ARL15: variants seen among roughly 807,000 people sequenced by gnomAD.
ARL15 encodes ARF like GTPase 15.
Under a neutral mutation model 25.2 loss-of-function variants are expected in ARL15, and 19 were observed. That is an observed-to-expected ratio of 0.75 (90% confidence interval 0.53 to 1.10). The LOEUF (loss-of-function observed/expected upper bound fraction) is 1.10. Ranked by LOEUF, ARL15 falls within the 50% of genes least tolerant of loss-of-function variation. The pLI is 0.00. For missense variants in ARL15, 220 were observed against 246.0 expected (o/e 0.89, Z 0.71); for synonymous variants, 94 against 86.8 (o/e 1.08, Z -0.46).
chr5:53,908,087 T>G (rs1051616917), intron 4 of ARL15, among the ~76,000 whole-genome samples: 1 of 152,338 alleles, frequency 6.6e-6, no homozygotes, highest in African/African-American at 2.4e-5. Flanking sequence ...TCATTTTCCT[T>G]GCTACCATAT....
chr5:53,957,985 G>A (rs1413026478), intron 4 of ARL15, among the ~76,000 whole-genome samples: 1 of 152,050 alleles, frequency 6.6e-6, no homozygotes, highest in African/African-American at 2.4e-5. Flanking sequence ...CAAGGCGGGT[G>A]GATCACCTGA....
intron 4 of ARL15, among the ~76,000 whole-genome samples, chr5:53,988,516 T>C (rs1748375446): frequency 6.6e-6 from 1 of 152,052 alleles, no homozygotes; most frequent in South Asian, 2.1e-4. Flanking sequence ...TACACATCAT[T>C]AGGAACAGGA....
rs1396170668 is a variant in ARL15, at chr5:54,310,072, A to T, written c.48+360T>A. 2.0e-5 allele frequency among the ~76,000 whole-genome samples: 3 copies of T among 152,038 alleles called. No homozygotes were observed. In the East Asian group the frequency reaches 5.8e-4, roughly 30 times the overall value. On this transcript the variant is annotated intron_variant, in intron 1 of 4. Transcript: ENST00000504924. ...AGTTCTGCTCCAGGGAGAGAGGAAA[A>T]CTCCTGCTCCCCCGGAAAGAAAGTC...
chr5:54,049,955 C>T (rs79965574), intron 4 of ARL15, among the ~76,000 whole-genome samples: 7,779 of 152,162 alleles, frequency 0.051, 671 homozygotes, highest in African/African-American at 0.18. Context: ...GTTTAAGCCA[C>T]CATTTGTTGG....
chr5:54,101,950 T>G (rs1486077095), intron 4 of ARL15, among the ~76,000 whole-genome samples: 6 of 152,114 alleles, frequency 3.9e-5, no homozygotes, highest in Admixed American at 3.9e-4. Flanking sequence ...TATTAAACAT[T>G]TAAATAATTC....
At chr5:53,961,149 G>C (rs1317073848) in intron 4 of ARL15, among the ~76,000 whole-genome samples, 1 of 152,026 alleles carries the variant, frequency 6.6e-6, no homozygotes, top group Non-Finnish European at 1.5e-5. Flanking sequence ...TTAAATCGCT[G>C]TTTAGATTAG....
intron 4 of ARL15, among the ~76,000 whole-genome samples, chr5:54,015,379 G>A (rs1359603255): frequency 6.6e-6 from 1 of 151,726 alleles, no homozygotes; most frequent in African/African-American, 2.4e-5. Flanking sequence ...TCCAAAATGT[G>A]AAACACTGCT....
intron 4 of ARL15, among the ~76,000 whole-genome samples, chr5:54,056,815 T>G (rs897296010): frequency 1.3e-5 from 2 of 152,116 alleles, no homozygotes; most frequent in Non-Finnish European, 2.9e-5. Context: ...TAACTGCTTA[T>G]CTTTGGGCAA....
rs1254771483 is a variant in ARL15, at chr5:54,243,376, A to C, written c.48+67056T>G. On this transcript the variant is annotated intron_variant, in intron 1 of 4. Transcript: ENST00000504924. ...TAACATATTCAAGCTGACAAGCTGA[A>C]ATTATCCGCCCTTTGTATTCTCCTC... Among the ~76,000 whole-genome samples the C allele has an allele frequency of 2.0e-5, 3 of 152,228 alleles. 1 individual carries two copies. Among genetic ancestry groups the C allele is most frequent in the African/African-American group, 7.2e-5 (3 of 41,462 alleles).
At chr5:53,904,519 AG>A (rs564655122) in intron 4 of ARL15, among the ~76,000 whole-genome samples, 1 of 152,160 alleles carries the variant, frequency 6.6e-6, no homozygotes, top group Non-Finnish European at 1.5e-5. Flanking sequence ...AAGGATTGAG[AG>A]GGAAAGATGC....
intron 4 of ARL15, among the ~76,000 whole-genome samples, chr5:54,076,044 C>T (rs570914516): frequency 6.6e-5 from 10 of 152,122 alleles, no homozygotes; most frequent in South Asian, 4.1e-4. Context: ...TACATACACA[C>T]GCACCACAGA....
In ARL15 at chr5:54,053,241, A is replaced by AACAAC. The variant is rs374970003; in HGVS notation, c.462+59960_462+59961insGTTGT. ...CATCTCCAAAAACAACAACAACAAC[A>AACAAC]AACAACAACAAAACAAACAAAAAAC... On this transcript the variant is annotated intron_variant, in intron 4 of 4. Transcript: ENST00000504924. Among the ~76,000 whole-genome samples the AACAAC allele has an allele frequency of 5.1e-3, 697 of 136,288 alleles. 3 individuals carry two copies. Among genetic ancestry groups the AACAAC allele is most frequent in the Non-Finnish European group, 7.7e-3 (520 of 67,870 alleles). 89.4% of individuals were successfully genotyped at this position (136,288 alleles called of 152,430 possible).
At chr5:53,970,890 A>G (rs983812288) in intron 4 of ARL15, among the ~76,000 whole-genome samples, 2 of 152,252 alleles carry the variant, frequency 1.3e-5, no homozygotes, top group African/African-American at 4.8e-5. Flanking sequence ...GACATTTAAA[A>G]TAGAAAACCT....
At chr5:54,144,626 G>A (rs181839361) in intron 3 of ARL15, among the ~76,000 whole-genome samples, 165 of 151,854 alleles carry the variant, frequency 1.1e-3, no homozygotes, top group African/African-American at 3.5e-3. Flanking sequence ...TTCATATTGC[G>A]GTGTGTCATA....
At chr5:54,306,391 C>CTTTTTTT (rs11338403) in intron 1 of ARL15, among the ~76,000 whole-genome samples, 7 of 134,514 alleles carry the variant, frequency 5.2e-5, no homozygotes, top group African/African-American at 1.1e-4. Context: ...AATACGTTAA[C>CTTTTTTT]TTTTTTTTTT....
intron 4 of ARL15, among the ~76,000 whole-genome samples, chr5:54,053,973 G>A (rs1750778013): frequency 6.6e-6 from 1 of 152,148 alleles, no homozygotes; most frequent in African/African-American, 2.4e-5. Context: ...CTTAACAGAG[G>A]AAAATGGGTA....
At position 54,154,839 on chromosome 5, in the gene ARL15, G is replaced by T. The variant is rs147015068; in HGVS notation, c.194-200C>A. ...CTGCCATTATCAAAACATAGTTGTT[G>T]TGGCTGGGCACAGTGGCTCACACCT... On this transcript the variant is annotated intron_variant, in intron 2 of 4. Coordinates refer to ENST00000504924, the MANE Select transcript of ARL15 (RefSeq NM_019087.3). Among the ~76,000 whole-genome samples, 995 of 152,142 alleles carry T rather than the reference G, an allele frequency of 6.5e-3. 4 individuals are homozygous for T. The highest frequency in any genetic ancestry group is 0.01 in the Non-Finnish European group (683 of 67,992).
intron 4 of ARL15, among the ~76,000 whole-genome samples, chr5:54,096,615 T>G (rs1016212802): frequency 2.0e-5 from 3 of 152,174 alleles, no homozygotes; most frequent in African/African-American, 7.2e-5. Flanking sequence ...TTCACCATGT[T>G]GGCCAGGTTG....
chr5:54,005,879 A>AC (rs373982284), intron 4 of ARL15, among the ~76,000 whole-genome samples: 218 of 80,604 alleles, frequency 2.7e-3, no homozygotes, highest in East Asian at 0.021. Context: ...AAAAACCAAA[A>AC]AAACCCAAAA....
Sources: gnomAD v4.1 joint callset for allele counts (sites outside exome capture counted in the v4.1 genomes callset) on GRCh38, gnomAD v4.1.1 for gene constraint, MANE v1.5 for transcripts, NCBI Gene and HGNC (gene_info 2026-07-23, HGNC 2026-07-21) for gene names.